ZNF736: variants seen among roughly 807,000 people sequenced by gnomAD.
The protein encoded by ZNF736 is KRAB-containing zinc-finger repressor protein.
ZNF736 carries 6 observed loss-of-function variants against 11.7 expected under a neutral mutation model. The ratio of observed to expected loss-of-function variants is 0.51; its 90% CI spans 0.28 to 1.01. The LOEUF (loss-of-function observed/expected upper bound fraction) is 1.01, where lower values mean the gene tolerates loss of function less well. Among genes scored for constraint, ZNF736 ranks in the 50% least tolerant of loss-of-function variants. ZNF736 has a pLI of 0.09. For synonymous variants in ZNF736, 139 were observed against 164.7 expected, an observed-to-expected ratio of 0.84 and a Z score of 1.19; for missense variants, 444 against 496.0, an observed-to-expected ratio of 0.90 and a Z score of 1.00.
At chr7:64,316,521 C>A (rs1464701979) in intron 1 of ZNF736, among the ~76,000 whole-genome samples, 1 of 152,186 alleles carries the variant, frequency 6.6e-6, no homozygotes, top group Non-Finnish European at 1.5e-5. Flanking sequence ...ACACAGGGGG[C>A]AAGTGCAGTA....
intron 1 of ZNF736, among the ~76,000 whole-genome samples, chr7:64,325,023 C>T (rs899896240): frequency 1.3e-5 from 2 of 152,026 alleles, no homozygotes; most frequent in East Asian, 1.9e-4. Context: ...TGTCAATGGC[C>T]GAAGTGCCCC....
At chr7:64,335,678 G>A (rs970650094) in intron 1 of ZNF736, among the ~76,000 whole-genome samples, 14 of 152,010 alleles carry the variant, frequency 9.2e-5, no homozygotes, top group African/African-American at 2.4e-4. Context: ...TTTGCATATC[G>A]CTTGCTATGG....
chr7:64,317,443 T>C (rs1177086632), intron 1 of ZNF736, among the ~76,000 whole-genome samples: 1 of 152,158 alleles, frequency 6.6e-6, no homozygotes, highest in Non-Finnish European at 1.5e-5. Flanking sequence ...CTAAAACAGA[T>C]TGGTGGCCAT....
rs1198405626 is a variant in ZNF736 at position 64,348,412 on chromosome 7, G to A, written c.549G>A (p.Arg183=). ...HKCEECGKDC[R]LFSDFTRHKK... ...GTGAAGAATGTGGCAAAGACTGTAG[G>A]TTGTTCTCAGATTTTACTAGACATA... is the stretch of plus-strand genomic sequence containing the variant. The change falls in exon 4 of 4, where the codon AGG becomes AGA. Residue 183 remains arginine, a synonymous_variant. Coordinates refer to ENST00000423484, the MANE Select transcript of ZNF736 (RefSeq NM_001170905.3). The A allele has an allele frequency of 5.2e-6, 8 of 1,550,594 alleles. No individual in the cohort carries two copies. The highest frequency in any genetic ancestry group is 7.0e-6 in the Non-Finnish European group (8 of 1,146,838).
intron 3 of ZNF736, among the ~76,000 whole-genome samples, chr7:64,338,411 C>T (rs1458799041): frequency 2.6e-5 from 4 of 152,160 alleles, no homozygotes; most frequent in Non-Finnish European, 5.9e-5. Context: ...AACAGTATTA[C>T]TTTCAGTAGT....
intron 3 of ZNF736, among the ~76,000 whole-genome samples, chr7:64,341,254 ATCT>A (rs1450830717): frequency 3.3e-5 from 5 of 151,592 alleles, no homozygotes; most frequent in South Asian, 4.2e-4. Context: ...TAATGCAAAG[ATCT>A]TCTTAAGGAT....
chr7:64,349,069 T>G lies in ZNF736; in HGVS notation c.1206T>G (p.Cys402Trp). ...AGAAACCCTACAAATGTGAAGAATG[T>G]GGCAAAGCATCGAGCTGGTTCTCAC... ...TGEKPYKCEECGKASSWFSHL... is the reference protein window; with the variant it reads ...TGEKPYKCEEWGKASSWFSHL... Residue 402 changes from cysteine to tryptophan, a missense_variant, in exon 4 of 4, where the codon TGT (cysteine) becomes TGG (tryptophan). Transcript: ENST00000423484. The G allele has an allele frequency of 6.2e-7, 1 of 1,605,214 alleles. No homozygotes were observed. Among genetic ancestry groups the G allele is most frequent in the Non-Finnish European group, 8.5e-7 (1 of 1,175,320 alleles).
chr7:64,350,645 T>A lies in ZNF736; in HGVS notation c.*1498T>A, dbSNP rs1789472810. 3 of 152,286 alleles carry A rather than the reference T, an allele frequency of 2.0e-5. No homozygotes were observed. The South Asian group carries it at 6.2e-4, about 32-fold the overall frequency. 9.4% of individuals were successfully genotyped at this position (152,286 alleles called of 1,614,324 possible). Reference sequence around the variant, plus strand: ...TTGCACTGATTGTGTCTTATCTTTGTGGGCATATCTTTGAGGTTGCTGACC... The same window carrying A: ...TTGCACTGATTGTGTCTTATCTTTGAGGGCATATCTTTGAGGTTGCTGACC... On this transcript the variant is annotated 3_prime_UTR_variant, in exon 4 of 4. Transcript: ENST00000423484.
At chr7:64,316,920 TACCTGGGAAAAG>T (rs1788925779) in intron 1 of ZNF736, among the ~76,000 whole-genome samples, 1 of 152,184 alleles carries the variant, frequency 6.6e-6, no homozygotes, top group African/African-American at 2.4e-5. Flanking sequence ...TTGGGAATGC[TACCTGGGAAAAG>T]ACAGAGGAAA....
intron 1 of ZNF736, among the ~76,000 whole-genome samples, chr7:64,329,437 G>A (rs1223934958): frequency 1.4e-4 from 21 of 152,226 alleles, no homozygotes; most frequent in East Asian, 7.7e-4. Context: ...ATTGTAATCT[G>A]AGTCTGATCA....
chr7:64,323,221 T>G (rs1398337598), intron 1 of ZNF736, among the ~76,000 whole-genome samples: 1 of 152,202 alleles, frequency 6.6e-6, no homozygotes, highest in Admixed American at 6.5e-5. Flanking sequence ...TTTACCATAT[T>G]ATGGGCACTC....
intron 3 of ZNF736, among the ~76,000 whole-genome samples, chr7:64,337,825 G>GCTCCCTGCAACCTCCGC (rs1789281081): frequency 6.8e-6 from 1 of 147,152 alleles, no homozygotes; most frequent in African/African-American, 2.5e-5. Flanking sequence ...CACGATCTCG[G>GCTCCCTGCAACCTCCGC]CTCCCTGCAA....
rs1408764142 is a variant in ZNF736 at position 64,319,488 on chromosome 7, C to CTTTTTTTTTTTTTTTTTTTTT, written c.3+5335_3+5336insTTTTTTTTTTTTTTTTTTTTT. On this transcript the variant is annotated intron_variant, in intron 1 of 3. Coordinates refer to ENST00000423484, the MANE Select transcript of ZNF736 (RefSeq NM_001170905.3). ...CCAGGTAAATAGAAAACATTTCTTC[C>CTTTTTTTTTTTTTTTTTTTTT]CTTTTTTTTTTTTTTTTTTTTTTTT... 1.3e-4 allele frequency among the ~76,000 whole-genome samples: 10 copies of CTTTTTTTTTTTTTTTTTTTTT among 75,246 alleles called. 5 individuals are homozygous for CTTTTTTTTTTTTTTTTTTTTT. The highest frequency in any genetic ancestry group is 3.3e-4 in the African/African-American group (6 of 18,342). The allele number at this position is 75,246 out of a possible 152,430, so 49.4% of individuals were successfully genotyped here.
rs1789525810 is a variant in ZNF736 at position 64,354,229 on chromosome 7, A to G, written c.*5082A>G. On this transcript the variant is annotated 3_prime_UTR_variant, in exon 4 of 4. Transcript: ENST00000423484. ...TTTATCCTACTTTTTTCTGTTGAAC[A>G]TATGACTTCTCTGGTCTGCTAAACA... The G allele has an allele frequency of 6.6e-6, 1 of 152,218 alleles. No individual in the cohort carries two copies. Among genetic ancestry groups the G allele is most frequent in the African/African-American group, 2.4e-5 (1 of 41,468 alleles). The allele number at this position is 152,218 out of a possible 1,614,324, so 9.4% of individuals were successfully genotyped here.
chr7:64,340,381 C>T (rs942345680), intron 3 of ZNF736, among the ~76,000 whole-genome samples: 3 of 152,102 alleles, frequency 2.0e-5, no homozygotes, highest in African/African-American at 7.3e-5. Flanking sequence ...CTGGAAGGAG[C>T]TGGAGATGGT....
At chr7:64,314,294 C>T in intron 1 of ZNF736, 141 bp downstream of exon 1, 2 of 1,095,378 alleles carry the variant, frequency 1.8e-6, no homozygotes, top group Non-Finnish European at 2.6e-6. Context: ...CAGCTCAATC[C>T]TCATTTCCCT....
At chr7:64,346,018 A>G (rs1302254071) in intron 3 of ZNF736, among the ~76,000 whole-genome samples, 5 of 152,020 alleles carry the variant, frequency 3.3e-5, no homozygotes, top group Admixed American at 1.3e-4. Context: ...TCCCTCATTG[A>G]TATTCTGTCT....
At chr7:64,333,358 T>A (rs1789200447) in intron 1 of ZNF736, among the ~76,000 whole-genome samples, 1 of 152,146 alleles carries the variant, frequency 6.6e-6, no homozygotes, top group Non-Finnish European at 1.5e-5. Context: ...CGTGAAAAAA[T>A]TGTCACCATG....
In ZNF736 at chr7:64,348,221, G is replaced by T. The variant is rs1160664402; in HGVS notation, c.358G>T (p.Val120Leu). 1 of 1,551,760 alleles carries T rather than the reference G, an allele frequency of 6.4e-7. No homozygotes were observed. Among genetic ancestry groups the T allele is most frequent in the Non-Finnish European group, 8.7e-7 (1 of 1,146,904 alleles). ...NLHLKKDYQSVGNCKGQKSSY... is the reference protein window; with the variant it reads ...NLHLKKDYQSLGNCKGQKSSY... Reference sequence around the variant, plus strand: ...ACATTTAAAGAAAGACTACCAAAGTGTGGGTAATTGCAAGGGGCAGAAAAG... The same window carrying T: ...ACATTTAAAGAAAGACTACCAAAGTTTGGGTAATTGCAAGGGGCAGAAAAG... The change falls in exon 4 of 4, where the codon GTG (valine) becomes TTG (leucine). Residue 120 changes from valine (V) to leucine (L), a missense_variant. Val to Leu is a conservative substitution (Grantham distance 32). Coordinates refer to ENST00000423484, the MANE Select transcript of ZNF736 (RefSeq NM_001170905.3).
Sources: gnomAD v4.1 joint callset for allele counts (sites outside exome capture counted in the v4.1 genomes callset) on GRCh38, gnomAD v4.1.1 for gene constraint, MANE v1.5 for transcripts, NCBI Gene and HGNC (gene_info 2026-07-23, HGNC 2026-07-21) for gene names.